Variants in DOCK2 observed in about 807,000 individuals in gnomAD.
DOCK2 encodes dedicator of cytokinesis 2, also known as dedicator of cytokinesis protein 2.
A neutral mutation model predicts 248.9 loss-of-function variants in DOCK2; 87 were observed. That is an observed-to-expected ratio of 0.35 (90% CI 0.29 to 0.42). The LOEUF (loss-of-function observed/expected upper bound fraction) is 0.42, where lower values mean the gene tolerates loss of function less well. DOCK2 is among the 10% of genes least tolerant of loss of function. DOCK2 has a pLI of 1.00. For missense variants in DOCK2, 1,747 were observed against 2,300.2 expected (o/e 0.76, Z 4.92); for synonymous variants, 805 against 821.6 (o/e 0.98, Z 0.35).
intron 27 of DOCK2, among the ~76,000 whole-genome samples, 169 bp downstream of exon 27, chr5:169,841,021 C>T (rs1769929223): frequency 6.6e-6 from 1 of 152,128 alleles, no homozygotes; most frequent in African/African-American, 2.4e-5. Context: ...AGAATTAACT[C>T]AAGTTGTTGA....
chr5:169,850,332 C>G (rs531390672), intron 27 of DOCK2, among the ~76,000 whole-genome samples: 3 of 152,166 alleles, frequency 2.0e-5, no homozygotes, highest in Non-Finnish European at 2.9e-5. Flanking sequence ...GTATCCCATC[C>G]GAGTCTGCCA....
intron 5 of DOCK2, among the ~76,000 whole-genome samples, chr5:169,672,796 T>C (rs1461490133): frequency 1.3e-5 from 2 of 152,238 alleles, no homozygotes; most frequent in African/African-American, 4.8e-5. Context: ...CACCCCCTTT[T>C]TTCACTTCCA....
chr5:169,970,103 A>C (rs576208923), intron 27 of DOCK2, among the ~76,000 whole-genome samples: 1 of 152,292 alleles, frequency 6.6e-6, no homozygotes, highest in East Asian at 1.9e-4. Flanking sequence ...AGGCCCCTTA[A>C]AGGCATGTTC....
In DOCK2 at chr5:170,050,237, G is replaced by T; in HGVS notation, c.4072-19G>T. 2 of 1,612,412 alleles carry T rather than the reference G, an allele frequency of 1.2e-6. No individual in the cohort carries two copies. Among genetic ancestry groups the T allele is most frequent in the South Asian group, 2.2e-5 (2 of 90,734 alleles). On this transcript the variant is annotated intron_variant, in intron 40 of 51. Coordinates refer to ENST00000520908, the MANE Select transcript of DOCK2 (RefSeq NM_004946.3). ...ACACCTGGGTCCCCAAATCTCTAAT[G>T]AGCATCCTTTCTCTGCAGAACAAAG... is the stretch of plus-strand genomic sequence containing the variant.
At chr5:169,899,960 A>T (rs957945773) in intron 27 of DOCK2, among the ~76,000 whole-genome samples, 15 of 152,200 alleles carry the variant, frequency 9.9e-5, no homozygotes, top group African/African-American at 3.6e-4. Flanking sequence ...TTCCACTAAG[A>T]TCATGAGAGT....
chr5:170,056,409 A>G (rs1757132904), intron 42 of DOCK2: 2 of 317,958 alleles, frequency 6.3e-6, no homozygotes, highest in African/African-American at 2.1e-5. Flanking sequence ...TAGGCCATCA[A>G]TGTTAGAATT....
At chr5:169,638,963 T>C (rs968821811) in intron 1 of DOCK2, among the ~76,000 whole-genome samples, 1 of 152,048 alleles carries the variant, frequency 6.6e-6, no homozygotes, top group Non-Finnish European at 1.5e-5. Context: ...ATCCCTGAAG[T>C]GTGTGGGTCA....
chr5:169,909,711 CA>C (rs1774488725), intron 27 of DOCK2, among the ~76,000 whole-genome samples: 1 of 152,178 alleles, frequency 6.6e-6, no homozygotes, highest in South Asian at 2.1e-4. Context: ...GAGTCCTCAA[CA>C]AACAGAATTT....
chr5:169,701,410 T>A lies in DOCK2; in HGVS notation c.1259-893T>A, dbSNP rs544456491. 3.0e-4 allele frequency among the ~76,000 whole-genome samples: 45 copies of A among 152,386 alleles called. 2 individuals carry two copies. In the South Asian group the frequency reaches 9.1e-3, roughly 31 times the overall value. ...TTTCTTTCCACATTTGTCTGGCGGT[T>A]GTCTCCTAGGGCCTGTGCTGTCATT... On this transcript the variant is annotated intron_variant, in intron 13 of 51. Transcript: ENST00000520908.
chr5:169,913,185 G>A (rs938604545), intron 27 of DOCK2, among the ~76,000 whole-genome samples: 4 of 152,266 alleles, frequency 2.6e-5, no homozygotes, highest in Admixed American at 6.5e-5. Context: ...GTGTTCTAGC[G>A]GAGTCGGAAT....
chr5:169,741,831 A>C (rs566435285), intron 22 of DOCK2, among the ~76,000 whole-genome samples: 57 of 111,752 alleles, frequency 5.1e-4, no homozygotes, highest in East Asian at 2.8e-3. Context: ...TTTTTTTGAG[A>C]CGGAGTCTCG....
At chr5:170,028,206 GT>G (rs1278042597) in intron 34 of DOCK2, among the ~76,000 whole-genome samples, 1 of 152,212 alleles carries the variant, frequency 6.6e-6, no homozygotes, top group African/African-American at 2.4e-5. Flanking sequence ...TTACCAAAAT[GT>G]CTACTTTCAT....
intron 27 of DOCK2, among the ~76,000 whole-genome samples, chr5:169,940,433 G>A (rs1329362893): frequency 1.3e-5 from 2 of 152,152 alleles, no homozygotes; most frequent in South Asian, 2.1e-4. Context: ...TCCACAGACC[G>A]GGAGGAGGAT....
Position 169,698,828 on chromosome 5 carries a change from C to T in DOCK2, c.1055+379C>T, listed in dbSNP as rs183005140. ...TTAATTACAAGTGCAGCAGAAACCA[C>T]GAAGCTGTGAAGCAGCAGCATTTCA... is the stretch of plus-strand genomic sequence containing the variant. On this transcript the variant is annotated intron_variant, in intron 11 of 51. Transcript: ENST00000520908. Among the ~76,000 whole-genome samples, 38 of 152,262 alleles carry T rather than the reference C, an allele frequency of 2.5e-4. No homozygotes were observed. In the East Asian group the frequency reaches 6.0e-3, roughly 24 times the overall value.
chr5:169,714,738 C>T (rs1035359463), intron 19 of DOCK2, among the ~76,000 whole-genome samples: 30 of 152,096 alleles, frequency 2.0e-4, no homozygotes, highest in African/African-American at 7.0e-4. Flanking sequence ...CACATGCCAA[C>T]TTTATGTGAT....
intron 27 of DOCK2, among the ~76,000 whole-genome samples, chr5:169,949,700 C>G (rs370082537): frequency 1.4e-5 from 1 of 69,066 alleles, no homozygotes; most frequent in Non-Finnish European, 2.8e-5. Flanking sequence ...AAATAAATTA[C>G]AGAGATCAAA....
chr5:169,959,060 G>A (rs1378651734), intron 27 of DOCK2, among the ~76,000 whole-genome samples: 1 of 152,134 alleles, frequency 6.6e-6, no homozygotes, highest in Non-Finnish European at 1.5e-5. Context: ...AATGTAGGTA[G>A]CATTGCAGAA....
At chr5:169,656,377 G>T (rs1241279494) in intron 2 of DOCK2, among the ~76,000 whole-genome samples, 3 of 151,262 alleles carry the variant, frequency 2.0e-5, no homozygotes, top group Non-Finnish European at 4.4e-5. Context: ...AAGCTGGAGT[G>T]CAGTGATGCG....
intron 27 of DOCK2, among the ~76,000 whole-genome samples, chr5:169,979,767 G>A (rs957843948): frequency 1.3e-5 from 2 of 152,212 alleles, no homozygotes; most frequent in Non-Finnish European, 2.9e-5. Context: ...ACGTGGTAGT[G>A]AGAACTAAGA....
Sources: gnomAD v4.1 joint callset for allele counts (sites outside exome capture counted in the v4.1 genomes callset) on GRCh38, gnomAD v4.1.1 for gene constraint, MANE v1.5 for transcripts, NCBI Gene and HGNC (gene_info 2026-07-23, HGNC 2026-07-21) for gene names.